The following EXOC4 variants were observed in gnomAD, a reference collection of about 807,000 sequenced individuals.
The protein encoded by EXOC4 is exocyst complex component 4.
A neutral mutation model predicts 107.2 loss-of-function variants in EXOC4; 71 were observed. The observed-to-expected ratio is 0.66, with a 90% CI of 0.55 to 0.81. The LOEUF (loss-of-function observed/expected upper bound fraction) is 0.81. Among genes scored for constraint, EXOC4 ranks in the 30% least tolerant of loss-of-function variants. EXOC4 has a pLI of 0.00. For synonymous variants in EXOC4, 456 were observed against 441.2 expected (o/e 1.03, Z -0.42); for missense variants, 1,108 against 1,189.6 (o/e 0.93, Z 1.01).
intron 9 of EXOC4, among the ~76,000 whole-genome samples, chr7:133,531,621 T>TAAGAAAAAA (rs1800183171): frequency 2.0e-5 from 3 of 152,244 alleles, no homozygotes; most frequent in Admixed American, 2.0e-4. Flanking sequence ...GGTCCAAAGT[T>TAAGAAAAAA]AGGAAGAAAA....
chr7:133,910,088 T>TG (rs1799657174), intron 12 of EXOC4, among the ~76,000 whole-genome samples: 2 of 734 alleles, frequency 2.7e-3, no homozygotes, highest in African/African-American at 0.011. Context: ...CACACTCAGC[T>TG]AATTTGTATT....
chr7:133,489,984 T>A (rs1012984481), intron 9 of EXOC4, among the ~76,000 whole-genome samples: 3 of 152,312 alleles, frequency 2.0e-5, no homozygotes, highest in East Asian at 1.9e-4. Flanking sequence ...GTAATGTGTG[T>A]AACTTTGGGT....
chr7:133,756,862 A>T (rs559789710), intron 10 of EXOC4, among the ~76,000 whole-genome samples: 2 of 152,218 alleles, frequency 1.3e-5, no homozygotes, highest in African/African-American at 2.4e-5. Flanking sequence ...AGTTCAATAT[A>T]TCTGGATCTG....
At chr7:133,545,071 A>G (rs936461532) in intron 9 of EXOC4, among the ~76,000 whole-genome samples, 1 of 151,864 alleles carries the variant, frequency 6.6e-6, no homozygotes, top group African/African-American at 2.4e-5. Context: ...TGAAAAGGTT[A>G]CTTCAACAAT....
chr7:133,535,992 G>C (rs566959659), intron 9 of EXOC4, among the ~76,000 whole-genome samples: 1 of 152,246 alleles, frequency 6.6e-6, no homozygotes, highest in African/African-American at 2.4e-5. Flanking sequence ...TCTATTCTGA[G>C]TTTAGTAGTT....
At position 133,938,183 on chromosome 7, in the gene EXOC4, C is replaced by T. The variant is rs905773333; in HGVS notation, c.2206+114C>T. The T allele has an allele frequency of 2.1e-5, 21 of 998,802 alleles. No homozygotes were observed. The Admixed American group carries it at 2.3e-4, about 11-fold the overall frequency. 61.9% of individuals were successfully genotyped at this position (998,802 alleles called of 1,614,324 possible). A position where few individuals can be genotyped will look rare whatever the true frequency, so the allele number is the denominator to read the frequency against. On this transcript the variant is annotated intron_variant, in intron 14 of 17. Coordinates refer to ENST00000253861, the MANE Select transcript of EXOC4 (RefSeq NM_021807.4). ...CGTATGGGGGCGTGTCCCAAGCTGT[C>T]AGAAGATCCTGGTTAGAATTCTGCT... is the stretch of plus-strand genomic sequence containing the variant.
chr7:133,880,349 T>C lies in EXOC4; in HGVS notation c.1735-15250T>C, dbSNP rs7810953. On this transcript the variant is annotated intron_variant, in intron 11 of 17. Transcript: ENST00000253861. ...TCTATATCTTCTCTAACATGTAGCA[T>C]CTTCTATTTAGCTGAATAACAGCCT... is the stretch of plus-strand genomic sequence containing the variant. Among the ~76,000 whole-genome samples, 366 of 152,334 alleles carry C rather than the reference T, an allele frequency of 2.4e-3. 5 individuals are homozygous for C. Among genetic ancestry groups the C allele is most frequent in the African/African-American group, 8.2e-3 (342 of 41,574 alleles).
At chr7:133,955,898 G>A (rs1201278060) in intron 14 of EXOC4, among the ~76,000 whole-genome samples, 1 of 152,272 alleles carries the variant, frequency 6.6e-6, no homozygotes, top group Non-Finnish European at 1.5e-5. Context: ...TGGGAGCAGG[G>A]AGAAGCCAGG....
At chr7:133,277,997 T>G in intron 2 of EXOC4, among the ~76,000 whole-genome samples, 1 of 152,186 alleles carries the variant, frequency 6.6e-6, no homozygotes, top group East Asian at 1.9e-4. Context: ...AGCAAAATGT[T>G]GAGAATGTGT....
chr7:134,086,536 TAGA>T, the EXOC4 span, among the ~76,000 whole-genome samples: 1 of 152,080 alleles, frequency 6.6e-6, no homozygotes, highest in Non-Finnish European at 1.5e-5. Context: ...GAAAAACAAG[TAGA>T]AGTTTAGTAA....
chr7:133,272,208 C>T (rs1429433514), intron 1 of EXOC4, among the ~76,000 whole-genome samples: 3 of 152,110 alleles, frequency 2.0e-5, no homozygotes, highest in Non-Finnish European at 2.9e-5. Context: ...GATGCCATTA[C>T]TAAGGTCATG....
intron 9 of EXOC4, among the ~76,000 whole-genome samples, chr7:133,625,120 T>C (rs149790882): frequency 5.3e-5 from 8 of 152,330 alleles, no homozygotes; most frequent in Admixed American, 5.2e-4. Context: ...ATTAATGATA[T>C]TGACTAGTAT....
At chr7:133,947,853 G>A (rs1439681580) in intron 14 of EXOC4, among the ~76,000 whole-genome samples, 1 of 152,156 alleles carries the variant, frequency 6.6e-6, no homozygotes, top group Admixed American at 6.5e-5. Flanking sequence ...TGTGGTGGCT[G>A]GAAGCTGCCA....
chr7:133,355,853 T>A (rs1414645298), intron 5 of EXOC4, among the ~76,000 whole-genome samples: 1 of 152,154 alleles, frequency 6.6e-6, no homozygotes, highest in African/African-American at 2.4e-5. Flanking sequence ...TTTTAAAAAA[T>A]TTATTATAAT....
intron 9 of EXOC4, among the ~76,000 whole-genome samples, chr7:133,599,777 G>T (rs1233619863): frequency 6.6e-6 from 1 of 151,898 alleles, no homozygotes; most frequent in Non-Finnish European, 1.5e-5. Context: ...GGGTAAAGTG[G>T]TGTGATTCTT....
At position 133,395,671 on chromosome 7, in the gene EXOC4, A is replaced by G. The variant is rs565061741; in HGVS notation, c.1182+20669A>G. On this transcript the variant is annotated intron_variant, in intron 7 of 17. Transcript: ENST00000253861. ...AGAAAATTATATATATATACACTGT[A>G]TATATAAAACACACACACACACTGT... 5.9e-5 allele frequency among the ~76,000 whole-genome samples: 9 copies of G among 152,110 alleles called. No homozygotes were observed. In the South Asian group the frequency reaches 1.5e-3, roughly 25 times the overall value.
At chr7:133,984,408 A>G (rs1794067222) in intron 14 of EXOC4, among the ~76,000 whole-genome samples, 1 of 152,198 alleles carries the variant, frequency 6.6e-6, no homozygotes, top group Non-Finnish European at 1.5e-5. Context: ...TCAGACGCTC[A>G]TATCCTTCCT....
At chr7:133,808,976 G>A (rs1563007045) in intron 10 of EXOC4, among the ~76,000 whole-genome samples, 1 of 140,290 alleles carries the variant, frequency 7.1e-6, no homozygotes, top group Non-Finnish European at 1.6e-5. Flanking sequence ...TCTCATTCTG[G>A]GTCCAAAGAT....
At chr7:133,603,996 A>G (rs909862408) in intron 9 of EXOC4, among the ~76,000 whole-genome samples, 2 of 136,264 alleles carry the variant, frequency 1.5e-5, no homozygotes, top group Non-Finnish European at 3.2e-5. Flanking sequence ...GCTTTTTTCT[A>G]ATTTCAGAAT....
Sources: gnomAD v4.1 joint callset for allele counts (sites outside exome capture counted in the v4.1 genomes callset) on GRCh38, gnomAD v4.1.1 for gene constraint, MANE v1.5 for transcripts, NCBI Gene and HGNC (gene_info 2026-07-23, HGNC 2026-07-21) for gene names.